The following LBH variants were observed in gnomAD, a reference collection of about 807,000 sequenced individuals.
The protein encoded by LBH is protein LBH.
In LBH, 7 loss-of-function variants were observed where a neutral mutation model predicts 12.5. That is an observed-to-expected ratio of 0.56 (90% CI 0.32 to 1.05). The LOEUF is 1.05. LBH is among the 50% of genes least tolerant of loss of function. The probability of loss-of-function intolerance (pLI) is 0.04; values close to 1 mark genes in which losing one functional copy is unlikely to be tolerated. For synonymous variants in LBH, 51 were observed against 50.1 expected (o/e 1.02, Z -0.08); for missense variants, 119 against 138.9 (o/e 0.86, Z 0.72).
At chr2:30,255,162 G>A (rs1678058042) in intron 2 of LBH, among the ~76,000 whole-genome samples, 1 of 152,238 alleles carries the variant, frequency 6.6e-6, no homozygotes, top group Admixed American at 6.5e-5. Context: ...CCTGTAGTGG[G>A]CTTCCCTCCA....
At chr2:30,232,423 C>T in intron 1 of LBH, 2 of 612,078 alleles carry the variant, frequency 3.3e-6, no homozygotes, top group Non-Finnish European at 5.2e-6. Context: ...CCGGGCCGGG[C>T]GCGGGGCGTC....
chr2:30,232,094 C>A, intron 1 of LBH: 1 of 1,534,664 alleles, frequency 6.5e-7, no homozygotes, highest in Non-Finnish European at 8.8e-7. Flanking sequence ...CTGCAGGAGG[C>A]GCGCGCCCCA....
chr2:30,252,678 T>A (rs1238931789), intron 2 of LBH, among the ~76,000 whole-genome samples: 1 of 151,296 alleles, frequency 6.6e-6, no homozygotes, highest in Admixed American at 6.6e-5. Flanking sequence ...AAAAAAAACC[T>A]CTTTCCTTTA....
chr2:30,247,750 T>C (rs921494675), intron 2 of LBH, among the ~76,000 whole-genome samples: 1 of 152,196 alleles, frequency 6.6e-6, no homozygotes, highest in Non-Finnish European at 1.5e-5. Flanking sequence ...ATATTTAATA[T>C]AAATTACTTT....
At chr2:30,244,676 C>G (rs907872876) in intron 2 of LBH, among the ~76,000 whole-genome samples, 34 of 152,168 alleles carry the variant, frequency 2.2e-4, no homozygotes, top group African/African-American at 8.2e-4. Flanking sequence ...CTGAGGTGGG[C>G]AGATTGCTTG....
intron 2 of LBH, among the ~76,000 whole-genome samples, chr2:30,239,643 C>G (rs1677752260): frequency 6.6e-6 from 1 of 152,090 alleles, no homozygotes; most frequent in Non-Finnish European, 1.5e-5. Flanking sequence ...ACTTTCTTTT[C>G]TCCTATCCCT....
intron 2 of LBH, among the ~76,000 whole-genome samples, chr2:30,255,437 C>T (rs778751370): frequency 3.3e-5 from 5 of 152,262 alleles, no homozygotes; most frequent in Non-Finnish European, 5.9e-5. Flanking sequence ...CATCCCCTCC[C>T]TGGACTTGTT....
intron 2 of LBH, among the ~76,000 whole-genome samples, chr2:30,239,667 G>A (rs965375055): frequency 2.6e-5 from 4 of 151,990 alleles, no homozygotes; most frequent in African/African-American, 7.3e-5. Context: ...CCCCCCACCC[G>A]CCTCTCTCCT....
Position 30,257,775 on chromosome 2 carries a change from C to A in LBH, c.*154C>A. ...ACCTGCAGATCACCGAGTTGGTTTT[C>A]TTTTCTTTTCTTGCCTTTTTTTTTT... On this transcript the variant is annotated 3_prime_UTR_variant, in exon 3 of 3. Coordinates refer to ENST00000395323, the MANE Select transcript of LBH (RefSeq NM_030915.4). The A allele has an allele frequency of 1.0e-5, 5 of 477,360 alleles. No individual in the cohort carries two copies. The highest frequency in any genetic ancestry group is 1.8e-5 in the Non-Finnish European group (5 of 285,176). 29.6% of individuals were successfully genotyped at this position (477,360 alleles called of 1,614,324 possible). A position where few individuals can be genotyped will look rare whatever the true frequency, so the allele number is the denominator to read the frequency against.
Position 30,259,649 on chromosome 2 carries a change from A to AT in LBH, c.*2029dup, listed in dbSNP as rs1323872223. On this transcript the variant is annotated 3_prime_UTR_variant, in exon 3 of 3. Transcript: ENST00000395323. Reference sequence around the variant, plus strand: ...ATCTACTTTGTGTATGTGTCTGTTTATGGGGGTGGTTTATTATTTTTGCTG... The same window carrying AT: ...ATCTACTTTGTGTATGTGTCTGTTTATTGGGGGTGGTTTATTATTTTTGCTG... The AT allele has an allele frequency of 6.6e-6, 1 of 152,448 alleles. No homozygotes were observed. Among genetic ancestry groups the AT allele is most frequent in the Non-Finnish European group, 1.5e-5 (1 of 68,076 alleles). 9.4% of individuals were successfully genotyped at this position (152,448 alleles called of 1,614,324 possible).
chr2:30,236,210 G>C (rs1473243554), intron 2 of LBH, among the ~76,000 whole-genome samples: 1 of 152,234 alleles, frequency 6.6e-6, no homozygotes, highest in African/African-American at 2.4e-5. Context: ...TAAAGGGCCA[G>C]GCCCTATAGG....
At chr2:30,241,976 C>T (rs1193891282) in intron 2 of LBH, among the ~76,000 whole-genome samples, 3 of 151,916 alleles carry the variant, frequency 2.0e-5, no homozygotes, top group East Asian at 1.9e-4. Context: ...ATATTCCAAG[C>T]GATCATTTTT....
intron 2 of LBH, among the ~76,000 whole-genome samples, chr2:30,246,408 T>C (rs1677869746): frequency 6.6e-6 from 1 of 152,262 alleles, no homozygotes; most frequent in South Asian, 2.1e-4. Context: ...TGTCTTTTGA[T>C]ATTTACTGTT....
At chr2:30,239,687 T>C (rs1677753995) in intron 2 of LBH, among the ~76,000 whole-genome samples, 1 of 152,012 alleles carries the variant, frequency 6.6e-6, no homozygotes, top group African/African-American at 2.4e-5. Flanking sequence ...TTGACAAAAA[T>C]CACAGGAATG....
chr2:30,232,276 C>T (rs1677603644), intron 1 of LBH: 5 of 1,484,184 alleles, frequency 3.4e-6, no homozygotes, highest in Admixed American at 4.3e-5. Flanking sequence ...CACGTAACCC[C>T]ACTAAAGCCA....
intron 2 of LBH, among the ~76,000 whole-genome samples, chr2:30,247,100 C>T (rs1216469587): frequency 1.3e-5 from 2 of 150,170 alleles, no homozygotes; most frequent in Non-Finnish European, 2.9e-5. Context: ...GGATTATAGA[C>T]ATGAAACACT....
chr2:30,237,647 G>A (rs1677712859), intron 2 of LBH, among the ~76,000 whole-genome samples: 1 of 152,152 alleles, frequency 6.6e-6, no homozygotes, highest in African/African-American at 2.4e-5. Context: ...TCACGCTCAT[G>A]CCTACCAAGG....
chr2:30,243,530 T>C (rs1325574025), intron 2 of LBH, among the ~76,000 whole-genome samples: 1 of 106,490 alleles, frequency 9.4e-6, no homozygotes, highest in Non-Finnish European at 2.3e-5. Context: ...GGACTCTTTT[T>C]TTTTTTTTTT....
At chr2:30,252,002 AT>A (rs1313975812) in intron 2 of LBH, among the ~76,000 whole-genome samples, 1 of 152,080 alleles carries the variant, frequency 6.6e-6, no homozygotes, top group Non-Finnish European at 1.5e-5. Context: ...GACCTGGGAG[AT>A]TCATGGTGTG....
Sources: allele counts gnomAD v4.1 joint callset (sites outside exome capture counted in the v4.1 genomes callset), GRCh38; gene constraint gnomAD v4.1.1; transcripts MANE v1.5; gene names NCBI Gene and HGNC (gene_info 2026-07-23, HGNC 2026-07-21).